The following CFAP20DC variants were observed in gnomAD, a reference collection of about 807,000 sequenced individuals.
CFAP20DC encodes the protein protein CFAP20DC.
A neutral mutation model predicts 101.7 loss-of-function variants in CFAP20DC; 84 were observed. That is an observed-to-expected ratio of 0.83 (90% confidence interval 0.69 to 0.99). The LOEUF is 0.99. CFAP20DC is among the 50% of genes least tolerant of loss of function. CFAP20DC has a pLI of 0.00. For missense variants in CFAP20DC, 1,007 were observed against 970.3 expected (o/e 1.04, Z -0.50); for synonymous variants, 359 against 351.2 (o/e 1.02, Z -0.25).
rs180775427 is a variant in CFAP20DC at position 58,982,759 on chromosome 3, A to T, written c.279-44997T>A. ...CATTAGGAGACATACCTAATGCTAAATGACGAGTTAATGGGTGCAGCACAC... is the reference window on the plus strand; with the variant it reads ...CATTAGGAGACATACCTAATGCTAATTGACGAGTTAATGGGTGCAGCACAC... On this transcript the variant is annotated intron_variant, in intron 4 of 16. Transcript: ENST00000482387. 1.6e-3 allele frequency among the ~76,000 whole-genome samples: 240 copies of T among 150,902 alleles called. 1 individual carries two copies. In the East Asian group the frequency reaches 0.025, roughly 15 times the overall value.
chr3:58,909,755 T>C (rs183701576), intron 6 of CFAP20DC, among the ~76,000 whole-genome samples: 60 of 152,318 alleles, frequency 3.9e-4, no homozygotes, highest in East Asian at 2.1e-3. Context: ...CTGGGGTACA[T>C]GGGCAGGATG....
intron 4 of CFAP20DC, among the ~76,000 whole-genome samples, chr3:59,037,790 G>A (rs1325035524): frequency 6.6e-6 from 1 of 152,082 alleles, no homozygotes; most frequent in Non-Finnish European, 1.5e-5. Flanking sequence ...ATACCCAAAG[G>A]ATTATAAATC....
rs1462206280 is a variant in CFAP20DC, at chr3:59,007,229, C to T, written c.278+32328G>A. 6.6e-6 allele frequency among the ~76,000 whole-genome samples: 1 copy of T among 152,120 alleles called. No homozygotes were observed. The highest frequency in any genetic ancestry group is 1.5e-5 in the Non-Finnish European group (1 of 68,022). ...CTGAGCTCATACTCACCTAATCCTG[C>T]CCCCATCTGAAGGTACTCCTCTACC... On this transcript the variant is annotated intron_variant, in intron 4 of 16. Coordinates refer to ENST00000482387, the MANE Select transcript of CFAP20DC (RefSeq NM_001394063.1). The surrounding 1 kb of genome is among the most constrained non-coding windows in gnomAD (Gnocchi z 4.4).
chr3:58,770,567 T>C (rs532600482), intron 15 of CFAP20DC, among the ~76,000 whole-genome samples: 5 of 152,098 alleles, frequency 3.3e-5, no homozygotes, highest in Admixed American at 6.6e-5. Flanking sequence ...GGCAGCCAGA[T>C]AGTGAAGAGA....
intron 4 of CFAP20DC, among the ~76,000 whole-genome samples, chr3:59,009,747 G>C (rs1417260828): frequency 2.6e-5 from 4 of 152,112 alleles, no homozygotes; most frequent in African/African-American, 9.7e-5. Flanking sequence ...ATAGCACAAA[G>C]ATCATCACCT....
chr3:58,758,948 T>A (rs995752671), intron 15 of CFAP20DC, among the ~76,000 whole-genome samples: 3 of 152,180 alleles, frequency 2.0e-5, no homozygotes, highest in Non-Finnish European at 4.4e-5. Context: ...TGTTGGACAT[T>A]TGGGTTGGTT....
intron 4 of CFAP20DC, among the ~76,000 whole-genome samples, chr3:58,983,912 A>T (rs1039452725): frequency 6.6e-6 from 1 of 152,178 alleles, no homozygotes; most frequent in East Asian, 1.9e-4. Flanking sequence ...GTCTGGCCCT[A>T]GCATCTGTCA....
At position 58,982,687 on chromosome 3, in the gene CFAP20DC, T is replaced by C. The variant is rs539579333; in HGVS notation, c.279-44925A>G. 6.8e-5 allele frequency among the ~76,000 whole-genome samples: 8 copies of C among 117,844 alleles called. No individual in the cohort carries two copies. In the South Asian group the frequency reaches 1.7e-3, roughly 25 times the overall value. The allele number at this position is 117,844 out of a possible 152,430, so 77.3% of individuals were successfully genotyped here. Reference sequence around the variant, plus strand: ...ACACATGGACACAGGAAGGGGAACATCACACTTCGGAGACTGTTGTGGGGT... The same window carrying C: ...ACACATGGACACAGGAAGGGGAACACCACACTTCGGAGACTGTTGTGGGGT... On this transcript the variant is annotated intron_variant, in intron 4 of 16. Coordinates refer to ENST00000482387, the MANE Select transcript of CFAP20DC (RefSeq NM_001394063.1).
chr3:58,992,055 C>G (rs982539507), intron 4 of CFAP20DC, among the ~76,000 whole-genome samples: 8 of 152,030 alleles, frequency 5.3e-5, no homozygotes, highest in African/African-American at 1.9e-4. Flanking sequence ...TTGTGGCAAC[C>G]CTATGAAATG....
At chr3:58,822,851 A>C (rs932824161) in intron 14 of CFAP20DC, among the ~76,000 whole-genome samples, 1 of 152,052 alleles carries the variant, frequency 6.6e-6, no homozygotes, top group African/African-American at 2.4e-5. Flanking sequence ...CTGGTCATAA[A>C]ACATAGCTAG....
intron 14 of CFAP20DC, among the ~76,000 whole-genome samples, chr3:58,812,697 A>G (rs921874289): frequency 6.6e-6 from 1 of 151,794 alleles, no homozygotes; most frequent in Non-Finnish European, 1.5e-5. Context: ...CTAAAACTTA[A>G]AGTATAATAA....
At chr3:58,811,892 G>A (rs551601052) in intron 14 of CFAP20DC, among the ~76,000 whole-genome samples, 37 of 152,172 alleles carry the variant, frequency 2.4e-4, no homozygotes, top group South Asian at 1.5e-3. Context: ...AAAAGTGGGC[G>A]AAGGACATGA....
At chr3:58,815,581 A>T (rs2107832002) in intron 14 of CFAP20DC, among the ~76,000 whole-genome samples, 1 of 151,532 alleles carries the variant, frequency 6.6e-6, no homozygotes, top group Middle Eastern at 3.4e-3. Context: ...AACCTACAAA[A>T]TGGGAGAAAA....
chr3:58,820,137 A>C (rs1057170492), intron 14 of CFAP20DC, among the ~76,000 whole-genome samples: 17 of 151,910 alleles, frequency 1.1e-4, no homozygotes, highest in Non-Finnish European at 2.5e-4. Context: ...TTGATGGGAC[A>C]TATTTCAAAA....
At chr3:58,767,276 T>C (rs1299933917) in intron 15 of CFAP20DC, among the ~76,000 whole-genome samples, 1 of 152,194 alleles carries the variant, frequency 6.6e-6, no homozygotes, top group Non-Finnish European at 1.5e-5. Flanking sequence ...TGCTTTTGTT[T>C]CCTTACCATG....
chr3:58,922,542 A>T (rs2085501422), intron 5 of CFAP20DC, among the ~76,000 whole-genome samples: 1 of 152,140 alleles, frequency 6.6e-6, no homozygotes, highest in Admixed American at 6.5e-5. Context: ...GGTTGATGAA[A>T]AGAGTCTGAC....
chr3:59,037,168 C>T (rs991040497), intron 4 of CFAP20DC, among the ~76,000 whole-genome samples: 2 of 152,014 alleles, frequency 1.3e-5, no homozygotes, highest in Non-Finnish European at 2.9e-5. Context: ...AACCTAAAAC[C>T]ATACAAACCC....
At chr3:58,986,149 A>G (rs1369924271) in intron 4 of CFAP20DC, among the ~76,000 whole-genome samples, 1 of 152,234 alleles carries the variant, frequency 6.6e-6, no homozygotes, top group African/African-American at 2.4e-5. Flanking sequence ...AGAAAAATGA[A>G]CCTTCAATTC....
At chr3:58,798,523 G>A (rs1282822925) in intron 15 of CFAP20DC, among the ~76,000 whole-genome samples, 4 of 152,332 alleles carry the variant, frequency 2.6e-5, no homozygotes, top group South Asian at 2.1e-4. Context: ...TGAAGATGAT[G>A]TAAACACTAG....
Sources: allele counts gnomAD v4.1 joint callset (sites outside exome capture counted in the v4.1 genomes callset), GRCh38; gene constraint gnomAD v4.1.1; non-coding constraint Gnocchi (gnomAD v3.1); transcripts MANE v1.5; gene names NCBI Gene and HGNC (gene_info 2026-07-23, HGNC 2026-07-21).